The following ANKFY1 variants were observed in gnomAD, a reference collection of about 807,000 sequenced individuals.
ANKFY1 encodes the protein ankyrin repeat and FYVE domain containing 1, also known as ankyrin repeat and FYVE domain-containing protein 1.
A neutral mutation model predicts 128.3 loss-of-function variants in ANKFY1; 47 were observed. The observed-to-expected ratio is 0.37, with a 90% CI of 0.29 to 0.47. The LOEUF is 0.47. Among genes scored for constraint, ANKFY1 ranks in the 20% least tolerant of loss-of-function variants. The pLI is 1.00. For synonymous variants in ANKFY1, 553 were observed against 601.6 expected (o/e 0.92, Z 1.18); for missense variants, 1,222 against 1,510.6 (o/e 0.81, Z 3.17).
chr17:4,190,859 G>A (rs1366220843), intron 10 of ANKFY1, among the ~76,000 whole-genome samples: 3 of 152,106 alleles, frequency 2.0e-5, no homozygotes, highest in African/African-American at 4.8e-5. Context: ...TGTGACAGCC[G>A]GGCACGGTGG....
chr17:4,214,413 C>A lies in ANKFY1; in HGVS notation c.458+2570G>T, dbSNP rs1474000111. 1.3e-5 allele frequency among the ~76,000 whole-genome samples: 2 copies of A among 151,922 alleles called. 1 individual carries two copies. Among genetic ancestry groups the A allele is most frequent in the Non-Finnish European group, 2.9e-5 (2 of 68,022 alleles). ...TTAAGATTCTCGGTTCCTATATTCT[C>A]TTTGAAAATAGCAAGACAGACAGAC... On this transcript the variant is annotated intron_variant, in intron 4 of 24. Transcript: ENST00000341657.
Position 4,178,693 on chromosome 17 carries a change from C to T in ANKFY1, c.2598+164G>A. On this transcript the variant is annotated intron_variant, in intron 18 of 24. Transcript: ENST00000341657. The surrounding 1 kb of genome is among the most constrained non-coding windows in gnomAD (Gnocchi z 4.1). ...ACAGGCAGAGGAGCCGGATCTCATC[C>T]TGCACGGATGGGACATCTCAACAGC... The T allele has an allele frequency of 1.4e-6, 1 of 708,622 alleles. No homozygotes were observed. The highest frequency in any genetic ancestry group is 2.4e-6 in the Non-Finnish European group (1 of 419,984). The allele number at this position is 708,622 out of a possible 1,614,324, so 43.9% of individuals were successfully genotyped here. A position where few individuals can be genotyped will look rare whatever the true frequency, so the allele number is the denominator to read the frequency against.
rs116640794 is a variant in ANKFY1 at position 4,174,122 on chromosome 17, C to T, written c.2776-66G>A. The T allele has an allele frequency of 1.0e-3, 1,611 of 1,557,898 alleles. 13 individuals are homozygous for T. In the African/African-American group the frequency reaches 0.019, roughly 18 times the overall value. On this transcript the variant is annotated intron_variant, in intron 19 of 24. Coordinates refer to ENST00000341657, the MANE Select transcript of ANKFY1 (RefSeq NM_001330063.2). ...CAATCAAGATCCCCCTTATGGGGGC[C>T]GAGCCTGCTTGTCTTCTGACACCCA...
intron 3 of ANKFY1, among the ~76,000 whole-genome samples, chr17:4,221,472 A>T (rs567862910): frequency 6.6e-6 from 1 of 152,190 alleles, no homozygotes. Context: ...TTGGCCTCCC[A>T]AAGTGCTGGT....
At chr17:4,186,880 T>C in intron 11 of ANKFY1, 1 of 1,044,298 alleles carries the variant, frequency 9.6e-7, no homozygotes, top group Non-Finnish European at 1.2e-6. Context: ...CCACTGCCTG[T>C]TAGACATCCC....
intron 16 of ANKFY1, chr17:4,180,986 G>A (rs1170650106): frequency 5.0e-6 from 2 of 401,690 alleles, no homozygotes; most frequent in South Asian, 3.4e-5. Context: ...GGTCTGCCGT[G>A]ACTACAGGAG....
intron 7 of ANKFY1, among the ~76,000 whole-genome samples, chr17:4,200,721 TAGG>T (rs1434110025): frequency 6.6e-6 from 1 of 152,246 alleles, no homozygotes. Context: ...GATCTTTCCA[TAGG>T]ATGTGCTTTT....
chr17:4,179,990 C>T, intron 16 of ANKFY1, 113 bp from the exon 17 acceptor site: 1 of 1,349,854 alleles, frequency 7.4e-7, no homozygotes, highest in Non-Finnish European at 1.0e-6. Flanking sequence ...TCTGCTGTGG[C>T]CGGGTCTGCT....
intron 23 of ANKFY1, among the ~76,000 whole-genome samples, chr17:4,170,126 T>C (rs1201490201): frequency 6.6e-6 from 1 of 152,232 alleles, no homozygotes; most frequent in Non-Finnish European, 1.5e-5. Context: ...CTGTGCCCCC[T>C]GGGCAGGTCC....
At chr17:4,213,566 C>CTT (rs1173971536) in intron 4 of ANKFY1, among the ~76,000 whole-genome samples, 9 of 135,388 alleles carry the variant, frequency 6.6e-5, no homozygotes, top group Non-Finnish European at 9.6e-5. Flanking sequence ...ATATTTATTT[C>CTT]TTTTTTTTTT....
rs373013384 is a variant in ANKFY1 at position 4,239,515 on chromosome 17, T to C, written c.203+2741A>G. On this transcript the variant is annotated intron_variant, in intron 2 of 24. Transcript: ENST00000341657. The stretch of plus-strand genomic sequence containing the variant: ...TTGATAGCAGTTTTGAATCCTGAGT[T>C]ATTTTACTGTTATTTGCATCCTCGA... 3.9e-5 allele frequency among the ~76,000 whole-genome samples: 6 copies of C among 152,328 alleles called. No individual in the cohort carries two copies. In the East Asian group the frequency reaches 1.2e-3, roughly 29 times the overall value.
chr17:4,235,071 G>A (rs965417711), intron 3 of ANKFY1, among the ~76,000 whole-genome samples: 6 of 152,012 alleles, frequency 3.9e-5, no homozygotes, highest in African/African-American at 1.4e-4. Context: ...GGCCAGACAC[G>A]GTGGCTCACA....
intron 2 of ANKFY1, among the ~76,000 whole-genome samples, chr17:4,239,127 G>C (rs142697834): frequency 2.6e-5 from 4 of 152,308 alleles, no homozygotes; most frequent in Admixed American, 2.6e-4. Flanking sequence ...CTAGCTAAAA[G>C]GTGACAGGAA....
In ANKFY1 at chr17:4,206,363, C is replaced by T; in HGVS notation, c.856G>A (p.Asp286Asn). ...VSHKADVDMV[D>N]KSGWSLLHKG... ...TGTAACAAGCTCCAGCCACTCTTGT[C>T]CACCATGTCCACATCAGCTTTGTGA... Residue 286 changes from aspartate (D) to asparagine (N), a missense_variant, in exon 7 of 25, where the codon GAC becomes AAC. Transcript: ENST00000341657. 4.3e-6 allele frequency: 7 copies of T among 1,614,208 alleles called. No homozygotes were observed. The highest frequency in any genetic ancestry group is 5.9e-6 in the Non-Finnish European group (7 of 1,180,008).
chr17:4,242,343 G>A lies in ANKFY1; in HGVS notation c.116C>T (p.Ala39Val), dbSNP rs1323792936. The A allele has an allele frequency of 6.9e-6, 11 of 1,601,234 alleles. No homozygotes were observed. The highest frequency in any genetic ancestry group is 3.5e-5 in the Admixed American group (2 of 57,514). Reference protein sequence around the residue: ...ETEKRCALLAAQANKESSSES... With the variant: ...ETEKRCALLAVQANKESSSES... ...GCTGCTGCTCTCCTTGTTTGCCTGC[G>A]CAGCCAAGAGAGCGCAGCGCTTCTC... The change falls in exon 2 of 25, where the codon GCG becomes GTG. Residue 39 changes from alanine (A) to valine (V), a missense_variant. Physicochemically the swap from Ala to Val is moderately conservative, Grantham distance 64 (BLOSUM62 0). Coordinates refer to ENST00000341657, the MANE Select transcript of ANKFY1 (RefSeq NM_001330063.2).
At chr17:4,215,758 C>T (rs1208864208) in intron 4 of ANKFY1, among the ~76,000 whole-genome samples, 2 of 152,170 alleles carry the variant, frequency 1.3e-5, no homozygotes, top group East Asian at 3.8e-4. Context: ...ACTACTCCAA[C>T]CCCAAGACAT....
At position 4,242,364 on chromosome 17, in the gene ANKFY1, T is replaced by C. The variant is rs1229166008; in HGVS notation, c.95A>G (p.Lys32Arg). ...CTGCGCAGCCAAGAGAGCGCAGCGCTTCTCTGTCTCCGCCAGCTTCTTCTG... is the reference window on the plus strand; with the variant it reads ...CTGCGCAGCCAAGAGAGCGCAGCGCCTCTCTGTCTCCGCCAGCTTCTTCTG... ...KLQKKLAETE[K>R]RCALLAAQAN... is the part of the protein sequence containing the mutation. Residue 32 changes from lysine (K) to arginine (R), a missense_variant, in exon 2 of 25, where the codon AAG becomes AGG. Coordinates refer to ENST00000341657, the MANE Select transcript of ANKFY1 (RefSeq NM_001330063.2). 4 of 1,605,336 alleles carry C rather than the reference T, an allele frequency of 2.5e-6. No individual in the cohort carries two copies. In the Admixed American group the frequency reaches 6.8e-5, roughly 27 times the overall value.
Position 4,176,711 on chromosome 17 carries a change from G to A in ANKFY1, c.2775+415C>T, listed in dbSNP as rs182265645. Among the ~76,000 whole-genome samples, 329 of 152,304 alleles carry A rather than the reference G, an allele frequency of 2.2e-3. 3 individuals carry two copies. The highest frequency in any genetic ancestry group is 3.6e-3 in the Non-Finnish European group (246 of 68,022). On this transcript the variant is annotated intron_variant, in intron 19 of 24. Transcript: ENST00000341657. The stretch of plus-strand genomic sequence containing the variant: ...CAGCACTACTTGCTTAGATAGCCTC[G>A]GGGGTAAAATTCTTTCTCGGCCTAC...
chr17:4,197,540 C>T lies in ANKFY1; in HGVS notation c.936G>A (p.Gly312=). 3 of 1,614,046 alleles carry T rather than the reference C, an allele frequency of 1.9e-6. No homozygotes were observed. The South Asian group carries it at 3.3e-5, about 18-fold the overall frequency. Residue 312 remains glycine (G), a synonymous_variant, in exon 8 of 25, where the codon GGG becomes GGA. Transcript: ENST00000341657. ...LFAATFLIKN[G]AFVNAATLGA... ...CCAGTGTAGCAGCGTTGACAAAGGC[C>T]CCATTCTTAATGAGGAAAGTGGCAG...
Sources: gnomAD v4.1 joint callset for allele counts (sites outside exome capture counted in the v4.1 genomes callset) on GRCh38, gnomAD v4.1.1 for gene constraint, Gnocchi (gnomAD v3.1) non-coding constraint, MANE v1.5 for transcripts, NCBI Gene and HGNC (gene_info 2026-07-23, HGNC 2026-07-21) for gene names.